The following HELLS variants were observed in gnomAD, a reference collection of about 807,000 sequenced individuals.
HELLS encodes the protein lymphoid-specific helicase.
HELLS carries 32 observed loss-of-function variants against 120.0 expected under a neutral mutation model. That is an observed-to-expected ratio of 0.27 (90% CI 0.20 to 0.36). HELLS has a LOEUF of 0.36. Ranked by LOEUF, HELLS falls within the 10% of genes least tolerant of loss-of-function variation. The pLI is 1.00. For missense variants in HELLS, 650 were observed against 993.4 expected, an observed-to-expected ratio of 0.65 and a Z score of 4.65; for synonymous variants, 341 against 323.4, an observed-to-expected ratio of 1.05 and a Z score of -0.58.
intron 2 of HELLS, among the ~76,000 whole-genome samples, chr10:94,547,523 A>T (rs974301138): frequency 6.6e-6 from 1 of 152,202 alleles, no homozygotes; most frequent in Admixed American, 6.5e-5. Context: ...CAGCATTGTT[A>T]ATACTTCTTG....
intron 6 of HELLS, among the ~76,000 whole-genome samples, chr10:94,563,748 C>T (rs1319891760): frequency 6.6e-6 from 1 of 151,964 alleles, no homozygotes; most frequent in East Asian, 1.9e-4. Flanking sequence ...CTTCAGCCTC[C>T]CAAACTGCTG....
chr10:94,553,992 T>C (rs1843114695), intron 2 of HELLS, 134 bp from the exon 3 acceptor site: 1 of 732,152 alleles, frequency 1.4e-6, no homozygotes, highest in Non-Finnish European at 2.2e-6. Context: ...TTAACAGTTA[T>C]TTGTTCCAGT....
chr10:94,570,001 T>C (rs1388753725), intron 6 of HELLS: 1 of 152,090 alleles, frequency 6.6e-6, no homozygotes, highest in Non-Finnish European at 1.5e-5. Context: ...ATAAGTTAAA[T>C]ACGGAAGTTT....
intron 1 of HELLS, 99 bp downstream of exon 1, chr10:94,546,051 C>G (rs1842740092): frequency 1.5e-6 from 2 of 1,350,966 alleles, no homozygotes; most frequent in Admixed American, 2.0e-5. Context: ...GAGCCGACCC[C>G]GGGCAGGGAC....
chr10:94,552,229 C>A (rs1421820428), intron 2 of HELLS, among the ~76,000 whole-genome samples: 4 of 144,426 alleles, frequency 2.8e-5, no homozygotes, highest in African/African-American at 1.0e-4. Context: ...TGCCACTAGA[C>A]TTTTTAAGTC....
downstream of HELLS, among the ~76,000 whole-genome samples, chr10:94,605,746 C>T (rs1846121870): frequency 1.3e-5 from 2 of 151,616 alleles, no homozygotes; most frequent in Non-Finnish European, 2.9e-5. Context: ...ATCCTCCTGC[C>T]TCAGCCACCA....
intron 4 of HELLS, among the ~76,000 whole-genome samples, chr10:94,561,791 T>C (rs944581934): frequency 5.3e-5 from 8 of 151,900 alleles, no homozygotes; most frequent in African/African-American, 1.9e-4. Context: ...AACATCTCAT[T>C]TCTCTTACCT....
intron 2 of HELLS, among the ~76,000 whole-genome samples, chr10:94,548,650 A>G (rs1312052316): frequency 2.0e-5 from 3 of 152,210 alleles, no homozygotes; most frequent in Non-Finnish European, 4.4e-5. Context: ...ATAATTATGC[A>G]TCATAGAACC....
chr10:94,571,405 T>TA lies in HELLS; in HGVS notation c.461dup (p.Asn154LysfsTer2). 27 of 1,490,708 alleles carry TA rather than the reference T, an allele frequency of 1.8e-5. No individual in the cohort carries two copies. Among genetic ancestry groups the TA allele is most frequent in the Admixed American group, 3.6e-5 (2 of 56,154 alleles). The allele number at this position is 1,490,708 out of a possible 1,614,324, so 92.3% of individuals were successfully genotyped here. On this transcript the variant is annotated frameshift_variant, in exon 7 of 22. Coordinates refer to ENST00000348459, the MANE Select transcript of HELLS (RefSeq NM_018063.5). LOFTEE classifies it high-confidence loss of function. Reference sequence around the variant, plus strand: ...ACTACTAGGAAATTTTGTCTGTGGCTAAAAAAAATAAAAAGGAGAATGAGG... The same window carrying TA: ...ACTACTAGGAAATTTTGTCTGTGGCTAAAAAAAAATAAAAAGGAGAATGAGG...
At chr10:94,576,358 C>T (rs1466610374) in intron 9 of HELLS, among the ~76,000 whole-genome samples, 1 of 152,060 alleles carries the variant, frequency 6.6e-6, no homozygotes, top group African/African-American at 2.4e-5. Flanking sequence ...CTCCATGTTG[C>T]TCAGGTTGAT....
rs1844764698 is a variant in HELLS, at chr10:94,580,137, AT to A, written c.1033-1188del. On this transcript the variant is annotated intron_variant, in intron 10 of 21. Transcript: ENST00000348459. ...TAAAAGTATATATATATATATATAT[AT>A]ATATATATATATATATATATATATA... Among the ~76,000 whole-genome samples, 6 of 44,248 alleles carry A rather than the reference AT, an allele frequency of 1.4e-4. No homozygotes were observed. The South Asian group carries it at 4.2e-3, about 31-fold the overall frequency. 29.0% of individuals were successfully genotyped at this position (44,248 alleles called of 152,430 possible).
intron 19 of HELLS, among the ~76,000 whole-genome samples, chr10:94,596,627 T>C (rs899419646): frequency 6.6e-6 from 1 of 152,216 alleles, no homozygotes; most frequent in African/African-American, 2.4e-5. Flanking sequence ...TTTTTGGTCC[T>C]TGATCTTAGG....
intron 6 of HELLS, among the ~76,000 whole-genome samples, chr10:94,567,931 G>T (rs1843914597): frequency 7.5e-6 from 1 of 133,508 alleles, no homozygotes; most frequent in Non-Finnish European, 1.6e-5. Flanking sequence ...TTTTTTTGGA[G>T]AGAGAGTCTC....
chr10:94,594,926 G>T (rs1039311043), intron 19 of HELLS, 72 bp downstream of exon 19: 61 of 1,206,602 alleles, frequency 5.1e-5, no homozygotes, highest in Non-Finnish European at 6.3e-5. Flanking sequence ...TTTTTATTTT[G>T]TTTATAAAAT....
intron 9 of HELLS, among the ~76,000 whole-genome samples, chr10:94,608,756 T>G (rs983069533): frequency 1.3e-5 from 2 of 152,084 alleles, no homozygotes; most frequent in African/African-American, 2.4e-5. Flanking sequence ...CAGCTGGGAC[T>G]GCAAACGTGT....
At chr10:94,571,620 T>G (rs1327840589) in intron 7 of HELLS, among the ~76,000 whole-genome samples, 191 bp downstream of exon 7, 1 of 152,196 alleles carries the variant, frequency 6.6e-6, no homozygotes, top group Admixed American at 6.5e-5. Context: ...CTTTAGTTAG[T>G]TGTTTTATTG....
At chr10:94,611,285 G>A (rs1846191197) in exon 10 of HELLS, 3 of 152,092 alleles carry the variant, frequency 2.0e-5, no homozygotes, top group Non-Finnish European at 2.9e-5. Flanking sequence ...GTGCACAAAA[G>A]GACATTTATT....
chr10:94,596,668 C>T (rs1845755329), intron 19 of HELLS, among the ~76,000 whole-genome samples, 192 bp from the exon 20 acceptor site: 1 of 152,146 alleles, frequency 6.6e-6, no homozygotes, highest in Non-Finnish European at 1.5e-5. Context: ...TGGAAACTAC[C>T]AGCCTTTTCC....
At chr10:94,565,644 GGC>G (rs1458934516) in intron 6 of HELLS, among the ~76,000 whole-genome samples, 1 of 152,110 alleles carries the variant, frequency 6.6e-6, no homozygotes, top group East Asian at 1.9e-4. Flanking sequence ...GAGCTGAGAT[GGC>G]ACCATTGCAC....
Sources: gnomAD v4.1 joint callset for allele counts (sites outside exome capture counted in the v4.1 genomes callset) on GRCh38, gnomAD v4.1.1 for gene constraint, MANE v1.5 for transcripts, NCBI Gene and HGNC (gene_info 2026-07-23, HGNC 2026-07-21) for gene names.